TCF7L1: variants seen among roughly 807,000 people sequenced by gnomAD.
The protein encoded by TCF7L1 is transcription factor 7-like 1.
A neutral mutation model predicts 63.7 loss-of-function variants in TCF7L1; 18 were observed. That is an observed-to-expected ratio of 0.28 (90% CI 0.20 to 0.42). The LOEUF (loss-of-function observed/expected upper bound fraction) is 0.42, where lower values mean the gene tolerates loss of function less well. TCF7L1 is among the 10% of genes least tolerant of loss of function. TCF7L1 has a pLI of 1.00. For missense variants in TCF7L1, 654 were observed against 779.3 expected (o/e 0.84, Z 1.91); for synonymous variants, 355 against 340.9 (o/e 1.04, Z -0.46).
intron 3 of TCF7L1, among the ~76,000 whole-genome samples, chr2:85,216,301 G>A (rs762120967): frequency 5.9e-5 from 9 of 152,162 alleles, no homozygotes; most frequent in Non-Finnish European, 8.8e-5. Flanking sequence ...CTTGACTGGT[G>A]AGGAAATAAT....
chr2:85,178,617 A>T (rs927465371), intron 3 of TCF7L1, among the ~76,000 whole-genome samples: 1 of 152,198 alleles, frequency 6.6e-6, no homozygotes, highest in African/African-American at 2.4e-5. Context: ...CTGATATTTA[A>T]TGAGCACTTA....
At chr2:85,225,129 A>G (rs1430499493) in intron 3 of TCF7L1, among the ~76,000 whole-genome samples, 4 of 152,190 alleles carry the variant, frequency 2.6e-5, no homozygotes, top group African/African-American at 9.6e-5. Flanking sequence ...ATTCTGTTCC[A>G]TTGGTCTATA....
chr2:85,261,681 A>T (rs1680859793), intron 3 of TCF7L1, among the ~76,000 whole-genome samples: 1 of 152,128 alleles, frequency 6.6e-6, no homozygotes, highest in African/African-American at 2.4e-5. Context: ...TCTTGAAGCC[A>T]GGAGTTTGAG....
rs1373519292 is a variant in TCF7L1, at chr2:85,303,876, T to C, written c.659-19T>C. 1.3e-6 allele frequency: 2 copies of C among 1,579,990 alleles called. No individual in the cohort carries two copies. The highest frequency in any genetic ancestry group is 3.4e-5 in the Admixed American group (2 of 58,708). On this transcript the variant is annotated intron_variant, in intron 5 of 11. Coordinates refer to ENST00000282111, the MANE Select transcript of TCF7L1 (RefSeq NM_031283.3). ...GGCAGGGCGAGGGAACAGTCTGACA[T>C]ATCTCTCTTTGGAAGCAGGAATCCC...
intron 3 of TCF7L1, among the ~76,000 whole-genome samples, chr2:85,263,413 G>A (rs966819279): frequency 6.6e-6 from 1 of 152,100 alleles, no homozygotes; most frequent in Non-Finnish European, 1.5e-5. Context: ...GAGGTCCAGG[G>A]CAGTGAGCAG....
rs562067647 is a variant in TCF7L1, at chr2:85,257,424, C to T, written c.442-26071C>T. On this transcript the variant is annotated intron_variant, in intron 3 of 11. Transcript: ENST00000282111. ...TCCTCGGACTGCCCACTGGAGTGGG[C>T]GCTGAGCTCCCACACCGCTGTTTGG... Among the ~76,000 whole-genome samples, 445 of 152,292 alleles carry T rather than the reference C, an allele frequency of 2.9e-3. 1 individual carries two copies. The highest frequency in any genetic ancestry group is 4.9e-3 in the Non-Finnish European group (336 of 68,010).
intron 3 of TCF7L1, among the ~76,000 whole-genome samples, chr2:85,185,305 T>C (rs1181526362): frequency 6.6e-6 from 1 of 152,044 alleles, no homozygotes; most frequent in Admixed American, 6.5e-5. Flanking sequence ...TCACCCAGGC[T>C]GGAGTGCAGT....
At chr2:85,304,067 G>A (rs957804435) in intron 6 of TCF7L1, 70 bp downstream of exon 6, 38 of 1,333,992 alleles carry the variant, frequency 2.8e-5, no homozygotes, top group East Asian at 4.7e-5. Context: ...TGCCCTGCGC[G>A]CCCTGCACAG....
At chr2:85,189,166 C>T (rs1231818659) in intron 3 of TCF7L1, among the ~76,000 whole-genome samples, 4 of 152,184 alleles carry the variant, frequency 2.6e-5, no homozygotes, top group Non-Finnish European at 4.4e-5. Context: ...GGGTGATTCT[C>T]CCCTTCCTGG....
At chr2:85,294,540 A>G (rs968584368) in intron 4 of TCF7L1, among the ~76,000 whole-genome samples, 3 of 152,146 alleles carry the variant, frequency 2.0e-5, no homozygotes, top group Non-Finnish European at 4.4e-5. Flanking sequence ...AGTAATGGTA[A>G]ACACCCAGTT....
intron 3 of TCF7L1, among the ~76,000 whole-genome samples, chr2:85,253,884 G>T (rs574367467): frequency 2.0e-5 from 3 of 152,246 alleles, no homozygotes; most frequent in African/African-American, 7.2e-5. Flanking sequence ...CTGGTAAGGG[G>T]TACAGTCAGG....
chr2:85,220,434 T>C (rs1368052428), intron 3 of TCF7L1, among the ~76,000 whole-genome samples: 1 of 151,734 alleles, frequency 6.6e-6, no homozygotes, highest in Non-Finnish European at 1.5e-5. Flanking sequence ...AGTGGCGCAA[T>C]GTCAGCTCAC....
chr2:85,162,373 G>C (rs1235540235), intron 3 of TCF7L1, among the ~76,000 whole-genome samples: 1 of 152,182 alleles, frequency 6.6e-6, no homozygotes, highest in African/African-American at 2.4e-5. Flanking sequence ...CAGGTAGGGT[G>C]GCCACAGTGG....
At chr2:85,276,145 C>A (rs1224472665) in intron 3 of TCF7L1, among the ~76,000 whole-genome samples, 1 of 152,202 alleles carries the variant, frequency 6.6e-6, no homozygotes, top group Non-Finnish European at 1.5e-5. Flanking sequence ...CTTTCGTTTT[C>A]TCTTACCGAC....
intron 3 of TCF7L1, among the ~76,000 whole-genome samples, chr2:85,178,554 T>C (rs1160130038): frequency 6.6e-6 from 1 of 152,196 alleles, no homozygotes; most frequent in Non-Finnish European, 1.5e-5. Flanking sequence ...AATCCTGGCA[T>C]CTAGGCCCTT....
rs116748083 is a variant in TCF7L1 at position 85,266,696 on chromosome 2, C to T, written c.442-16799C>T. ...TGTTGAGCATGCTCTGCATGCCTTA[C>T]GGCTTATCCATATTGAAACTTTCAA... On this transcript the variant is annotated intron_variant, in intron 3 of 11. Coordinates refer to ENST00000282111, the MANE Select transcript of TCF7L1 (RefSeq NM_031283.3). 1.9e-3 allele frequency among the ~76,000 whole-genome samples: 283 copies of T among 152,350 alleles called. 1 individual carries two copies. The highest frequency in any genetic ancestry group is 6.3e-3 in the African/African-American group (261 of 41,570).
chr2:85,306,129 G>T lies in TCF7L1; in HGVS notation c.990-77G>T, dbSNP rs151161792. On this transcript the variant is annotated intron_variant, in intron 8 of 11. Transcript: ENST00000282111. The surrounding 1 kb of genome is among the most constrained non-coding windows in gnomAD (Gnocchi z 4.3). Reference sequence around the variant, plus strand: ...GCGCCCCTCCCCAGAGACAATCAGCGGTGTTTCAGTGACAGGTGGGGATTG... The same window carrying T: ...GCGCCCCTCCCCAGAGACAATCAGCTGTGTTTCAGTGACAGGTGGGGATTG... The T allele has an allele frequency of 2.9e-5, 45 of 1,576,248 alleles. No homozygotes were observed. The highest frequency in any genetic ancestry group is 3.8e-5 in the Non-Finnish European group (44 of 1,152,690).
chr2:85,265,030 A>G (rs1680936018), intron 3 of TCF7L1, among the ~76,000 whole-genome samples: 1 of 152,166 alleles, frequency 6.6e-6, no homozygotes, highest in African/African-American at 2.4e-5. Flanking sequence ...GAATGAAGAT[A>G]TGTATTCTAG....
At chr2:85,298,920 G>A (rs1376225725) in intron 4 of TCF7L1, among the ~76,000 whole-genome samples, 3 of 151,928 alleles carry the variant, frequency 2.0e-5, no homozygotes, top group Non-Finnish European at 4.4e-5. Flanking sequence ...TCTACTTACC[G>A]CCTTCCCTCC....
Sources: gnomAD v4.1 joint callset for allele counts (sites outside exome capture counted in the v4.1 genomes callset) on GRCh38, gnomAD v4.1.1 for gene constraint, Gnocchi (gnomAD v3.1) non-coding constraint, MANE v1.5 for transcripts, NCBI Gene and HGNC (gene_info 2026-07-23, HGNC 2026-07-21) for gene names.